The following MGAM2 variants were observed in gnomAD, a reference collection of about 807,000 sequenced individuals.
MGAM2 encodes the protein maltase-glucoamylase 2 (putative), also known as probable maltase-glucoamylase 2.
In MGAM2, 98 loss-of-function variants were observed where a neutral mutation model predicts 96.1. The ratio of observed to expected loss-of-function variants is 1.02; its 90% CI spans 0.87 to 1.21. MGAM2 has a LOEUF of 1.21. MGAM2 is among the 50% of genes most tolerant of loss of function. MGAM2 has a pLI of 0.00. For synonymous variants in MGAM2, 749 were observed against 414.8 expected (o/e 1.81, Z -9.79); for missense variants, 2,055 against 1,182.4 (o/e 1.74, Z -10.82).
chr7:142,119,598 C>G (rs535910729), intron 2 of MGAM2, among the ~76,000 whole-genome samples: 1 of 152,052 alleles, frequency 6.6e-6, no homozygotes, highest in Non-Finnish European at 1.5e-5. Context: ...GAAACTTACG[C>G]GAATGCTCAT....
chr7:142,168,943 A>G (rs1796110653), intron 26 of MGAM2, among the ~76,000 whole-genome samples: 1 of 152,156 alleles, frequency 6.6e-6, no homozygotes, highest in Non-Finnish European at 1.5e-5. Flanking sequence ...TGTGGACAGC[A>G]CCTTGGACAG....
At position 142,198,598 on chromosome 7, in the gene MGAM2, T is replaced by C. The variant is rs534847667; in HGVS notation, c.4924-17T>C. On this transcript the variant is annotated splice_polypyrimidine_tract_variant and intron_variant, in intron 43 of 47. Coordinates refer to ENST00000477922, the MANE Select transcript of MGAM2 (RefSeq NM_001293626.2). ...TATTTATCTCTCGCCATTTTTTGCC[T>C]GTATTCTCCTTTCTAGGGAACTAGC... The C allele has an allele frequency of 4.0e-5, 28 of 701,188 alleles. No individual in the cohort carries two copies. Among genetic ancestry groups the C allele is most frequent in the African/African-American group, 3.3e-4 (19 of 57,308 alleles). 43.4% of individuals were successfully genotyped at this position (701,188 alleles called of 1,614,324 possible).
chr7:142,118,669 TC>T (rs1794456299), intron 2 of MGAM2, among the ~76,000 whole-genome samples: 1 of 152,174 alleles, frequency 6.6e-6, no homozygotes, highest in Non-Finnish European at 1.5e-5. Flanking sequence ...AATAATATCT[TC>T]CTGATATGTA....
intron 7 of MGAM2, 147 bp from the exon 8 acceptor site, chr7:142,136,394 A>G (rs888135263): frequency 2.3e-6 from 1 of 430,718 alleles, no homozygotes; most frequent in Non-Finnish European, 4.1e-6. Flanking sequence ...AGTTGATAAT[A>G]TCATTACAAT....
Position 142,197,702 on chromosome 7 carries a change from A to C in MGAM2, c.4840A>C (p.Ile1614Leu), listed in dbSNP as rs932941951. ...IDRQFMLGPA[I>L]LISPVLETST... ...CCGTCAGTTCATGTTGGGCCCTGCT[A>C]TCTTAATCAGCCCTGTGTTGGAAAC... Residue 1614 changes from isoleucine to leucine, a missense_variant, in exon 42 of 48, where the codon ATC becomes CTC. Physicochemically the swap from Ile to Leu is conservative, Grantham distance 5 (BLOSUM62 2). Transcript: ENST00000477922. 5.7e-6 allele frequency: 4 copies of C among 702,846 alleles called. No individual in the cohort carries two copies. Among genetic ancestry groups the C allele is most frequent in the Non-Finnish European group, 1.0e-5 (4 of 384,998 alleles). 43.5% of individuals were successfully genotyped at this position (702,846 alleles called of 1,614,324 possible).
intron 12 of MGAM2, among the ~76,000 whole-genome samples, chr7:142,142,972 G>C (rs1172624830): frequency 6.6e-6 from 1 of 152,198 alleles, no homozygotes; most frequent in Non-Finnish European, 1.5e-5. Flanking sequence ...ACATCTAATT[G>C]TTAGTTGATG....
At chr7:142,112,431 G>A (rs1316733564) in intron 1 of MGAM2, among the ~76,000 whole-genome samples, 2 of 152,164 alleles carry the variant, frequency 1.3e-5, no homozygotes, top group Non-Finnish European at 2.9e-5. Flanking sequence ...AAGTCTCCCT[G>A]TGGAGAGAAA....
intron 3 of MGAM2, among the ~76,000 whole-genome samples, chr7:142,130,079 A>G (rs1794843579): frequency 6.6e-6 from 1 of 152,112 alleles, no homozygotes; most frequent in Non-Finnish European, 1.5e-5. Context: ...ATGTAAATTA[A>G]CCTGAAAATT....
At chr7:142,173,723 A>T (rs1424787610) in intron 31 of MGAM2, among the ~76,000 whole-genome samples, 1 of 152,222 alleles carries the variant, frequency 6.6e-6, no homozygotes. Context: ...TCTTTTTTTC[A>T]ACTAAATATT....
At chr7:142,185,951 T>C in intron 34 of MGAM2, 38 bp from the exon 35 acceptor site, 3 of 701,010 alleles carry the variant, frequency 4.3e-6, no homozygotes, top group South Asian at 3.0e-5. Flanking sequence ...CTGTATAGGC[T>C]GAGACCCCGA....
Position 142,130,964 on chromosome 7 carries a change from A to G in MGAM2, c.203A>G (p.Gln68Arg), listed in dbSNP as rs1794866671. The G allele has an allele frequency of 1.3e-5, 9 of 702,626 alleles. No homozygotes were observed. The highest frequency in any genetic ancestry group is 2.1e-5 in the Non-Finnish European group (8 of 384,990). The allele number at this position is 702,626 out of a possible 1,614,324, so 43.5% of individuals were successfully genotyped here. Residue 68 changes from glutamine (Q) to arginine (R), a missense_variant, in exon 4 of 48, where the codon CAA becomes CGA. Coordinates refer to ENST00000477922, the MANE Select transcript of MGAM2 (RefSeq NM_001293626.2). ...TTGTTACAGGATATCTGCAGATGGC[A>G]ATATAAGTGCTGCTGGTCGCCTGTG... The part of the protein sequence containing the change: ...QEVTEDICRW[Q>R]YKCCWSPVAD...
Position 142,197,700 on chromosome 7 carries a change from C to T in MGAM2, c.4838C>T (p.Ala1613Val). 1 of 702,912 alleles carries T rather than the reference C, an allele frequency of 1.4e-6. No individual in the cohort carries two copies. Among genetic ancestry groups the T allele is most frequent in the South Asian group, 1.5e-5 (1 of 67,586 alleles). 43.5% of individuals were successfully genotyped at this position (702,912 alleles called of 1,614,324 possible). ...DIDRQFMLGP[A>V]ILISPVLETS... is the part of the protein sequence containing the mutation. ...GACCGTCAGTTCATGTTGGGCCCTG[C>T]TATCTTAATCAGCCCTGTGTTGGAA... Residue 1613 changes from alanine (A) to valine (V), a missense_variant, in exon 42 of 48, where the codon GCT becomes GTT. Coordinates refer to ENST00000477922, the MANE Select transcript of MGAM2 (RefSeq NM_001293626.2).
chr7:142,144,862 AAATG>A lies in MGAM2; in HGVS notation c.1440_1443del (p.Asn480LysfsTer18), dbSNP rs1174495405. On this transcript the variant is annotated frameshift_variant and splice_region_variant, in exon 14 of 48. Transcript: ENST00000477922. LOFTEE classifies it high-confidence loss of function. ...TTTGTGTGTTTTGTGTCTTTGAAGG[AAATG>A]AATGAAGTATCTAGCTTACTCCAAG... 1 of 701,014 alleles carries A rather than the reference AAATG, an allele frequency of 1.4e-6. No individual in the cohort carries two copies. Among genetic ancestry groups the A allele is most frequent in the Non-Finnish European group, 2.6e-6 (1 of 384,170 alleles). 43.4% of individuals were successfully genotyped at this position (701,014 alleles called of 1,614,324 possible). A position where few individuals can be genotyped will look rare whatever the true frequency, so the allele number is the denominator to read the frequency against.
chr7:142,119,905 G>A (rs1469511326), intron 2 of MGAM2, among the ~76,000 whole-genome samples: 3 of 152,200 alleles, frequency 2.0e-5, no homozygotes, highest in African/African-American at 4.8e-5. Flanking sequence ...GGGAGAACAG[G>A]GGAATAGAAG....
chr7:142,162,330 A>G (rs927510050), intron 23 of MGAM2, among the ~76,000 whole-genome samples: 1 of 151,926 alleles, frequency 6.6e-6, no homozygotes, highest in Non-Finnish European at 1.5e-5. Flanking sequence ...TGGGTTAGTG[A>G]GTGGTATGGC....
chr7:142,159,888 T>C (rs545418160), intron 20 of MGAM2, among the ~76,000 whole-genome samples: 1 of 152,320 alleles, frequency 6.6e-6, no homozygotes, highest in South Asian at 2.1e-4. Context: ...GTCATTTGGC[T>C]GTGGTAGCCT....
intron 15 of MGAM2, among the ~76,000 whole-genome samples, chr7:142,151,368 G>A (rs1000352042): frequency 6.6e-6 from 1 of 152,152 alleles, no homozygotes; most frequent in African/African-American, 2.4e-5. Context: ...AAATGTAAAA[G>A]TTTGTATTTT....
In MGAM2 at chr7:142,220,004, A is replaced by G. The variant is rs77567004; in HGVS notation, c.5493A>G (p.Pro1831=). 2,546 of 702,860 alleles carry G rather than the reference A, an allele frequency of 3.6e-3. 40 individuals carry two copies. Among genetic ancestry groups the G allele is most frequent in the African/African-American group, 0.036 (2,062 of 57,340 alleles). 43.5% of individuals were successfully genotyped at this position (702,860 alleles called of 1,614,324 possible). A position where few individuals can be genotyped will look rare whatever the true frequency, so the allele number is the denominator to read the frequency against. Residue 1831 remains proline, a synonymous_variant, in exon 48 of 48, where the codon CCA becomes CCG. Coordinates refer to ENST00000477922, the MANE Select transcript of MGAM2 (RefSeq NM_001293626.2). ...STIPMSSHPS[P]STTNATSSET... Reference sequence around the variant, plus strand: ...TCCCAATGAGTTCTCATCCTTCTCCATCTACTACCAATGCCACCAGTTCTG... The same window carrying G: ...TCCCAATGAGTTCTCATCCTTCTCCGTCTACTACCAATGCCACCAGTTCTG...
chr7:142,201,388 G>A (rs1797228755), intron 45 of MGAM2, among the ~76,000 whole-genome samples: 1 of 151,986 alleles, frequency 6.6e-6, no homozygotes, highest in Admixed American at 6.6e-5. Context: ...ACATCCTTGA[G>A]TATTAACCAT....
Sources: allele counts gnomAD v4.1 joint callset (sites outside exome capture counted in the v4.1 genomes callset), GRCh38; gene constraint gnomAD v4.1.1; transcripts MANE v1.5; gene names NCBI Gene and HGNC (gene_info 2026-07-23, HGNC 2026-07-21).